The following EFCAB12 variants were observed in gnomAD, a reference collection of about 807,000 sequenced individuals.
The protein encoded by EFCAB12 is EF-hand calcium-binding domain-containing protein 12.
In EFCAB12, 43 loss-of-function variants were observed where a neutral mutation model predicts 53.6. The ratio of observed to expected loss-of-function variants is 0.80; its 90% CI spans 0.63 to 1.03. The LOEUF is 1.03. Ranked by LOEUF, EFCAB12 falls within the 50% of genes least tolerant of loss-of-function variation. EFCAB12 has a pLI of 0.00. For missense variants in EFCAB12, 646 were observed against 730.6 expected, an observed-to-expected ratio of 0.88 and a Z score of 1.34; for synonymous variants, 269 against 289.2, an observed-to-expected ratio of 0.93 and a Z score of 0.71.
At chr3:129,403,606 C>A (rs1038978822) in intron 7 of EFCAB12, 3 of 152,360 alleles carry the variant, frequency 2.0e-5, no homozygotes, top group African/African-American at 7.2e-5. Context: ...CCTCCCATGC[C>A]GCGCCCCTGC....
At chr3:129,402,466 C>A in intron 8 of EFCAB12, 57 bp downstream of exon 8, 1 of 1,562,530 alleles carries the variant, frequency 6.4e-7, no homozygotes, top group South Asian at 1.2e-5. Context: ...TTGTCTCAGG[C>A]GAAGCTGCCC....
chr3:129,428,038 G>A (rs760837725), intron 1 of EFCAB12, among the ~76,000 whole-genome samples: 2 of 152,086 alleles, frequency 1.3e-5, no homozygotes, highest in African/African-American at 2.4e-5. Context: ...CCCTGGGCCC[G>A]GCATTTACCC....
chr3:129,402,757 G>A lies in EFCAB12; in HGVS notation c.1404-178C>T, dbSNP rs543257315. On this transcript the variant is annotated intron_variant, in intron 7 of 8. Coordinates refer to ENST00000505956, the MANE Select transcript of EFCAB12 (RefSeq NM_207307.3). ...GACTCTGTGCCTCCATGCTCCAGGG[G>A]AACACAGTGGGCTTGGGTCAGCTGG... 316 of 612,744 alleles carry A rather than the reference G, an allele frequency of 5.2e-4. 2 individuals carry two copies. The highest frequency in any genetic ancestry group is 6.0e-4 in the Non-Finnish European group (211 of 352,668). 38.0% of individuals were successfully genotyped at this position (612,744 alleles called of 1,614,324 possible).
intron 4 of EFCAB12, chr3:129,412,166 C>T (rs1379951728): frequency 6.6e-6 from 1 of 152,308 alleles, no homozygotes; most frequent in Non-Finnish European, 1.5e-5. Flanking sequence ...AGAGATCACA[C>T]CACTGCACTC....
intron 4 of EFCAB12, chr3:129,415,019 T>C: frequency 2.2e-6 from 1 of 449,970 alleles, no homozygotes; most frequent in Non-Finnish European, 3.8e-6. Context: ...GGGCTGGGAC[T>C]CATTTGTCTT....
intron 3 of EFCAB12, among the ~76,000 whole-genome samples, chr3:129,417,635 G>A (rs2072135020): frequency 6.6e-6 from 1 of 152,206 alleles, no homozygotes; most frequent in Non-Finnish European, 1.5e-5. Flanking sequence ...CATCTGTGCA[G>A]TCCAGTAGAG....
intron 8 of EFCAB12, 71 bp from the exon 9 acceptor site, chr3:129,401,922 C>T: frequency 1.3e-6 from 2 of 1,539,556 alleles, no homozygotes; most frequent in Non-Finnish European, 1.8e-6. Context: ...ATCGCAGAGC[C>T]CACCAACTGT....
At chr3:129,421,284 C>T in intron 2 of EFCAB12, 83 bp downstream of exon 2, 2 of 1,417,842 alleles carry the variant, frequency 1.4e-6, no homozygotes, top group Non-Finnish European at 1.9e-6. Flanking sequence ...TGAACTATCC[C>T]TATCCAGCCT....
chr3:129,421,805 T>A lies in EFCAB12; in HGVS notation c.50-2A>T. The A allele has an allele frequency of 2.5e-6, 4 of 1,609,318 alleles. No homozygotes were observed. On this transcript the variant is annotated splice_acceptor_variant, in intron 1 of 8. Coordinates refer to ENST00000505956, the MANE Select transcript of EFCAB12 (RefSeq NM_207307.3). LOFTEE classifies it high-confidence loss of function. ...TGGGAGTCTTAGACGGGCAGAGTCC[T>A]TGGGGTAAGAGAGTTAAAAGATGAG... is the stretch of plus-strand genomic sequence containing the variant.
In EFCAB12 at chr3:129,421,588, C is replaced by T. The variant is rs753416184; in HGVS notation, c.265G>A (p.Val89Ile). 3.1e-6 allele frequency: 5 copies of T among 1,613,976 alleles called. No homozygotes were observed. The South Asian group carries it at 4.4e-5, about 14-fold the overall frequency. The change falls in exon 2 of 9, where the codon GTT (valine) becomes ATT (isoleucine). Residue 89 changes from valine to isoleucine, a missense_variant. By Grantham distance (29) the Val-to-Ile change is conservative. Coordinates refer to ENST00000505956, the MANE Select transcript of EFCAB12 (RefSeq NM_207307.3). ...APPKPIPSFK[V>I]LEARDIQEQP... is the part of the protein sequence containing the mutation. ...TCTTGGATATCTCTAGCTTCCAGAA[C>T]TTTGAAGCTGGGGATGGGCTTTGGG... is the stretch of plus-strand genomic sequence containing the variant.
chr3:129,423,599 A>T (rs2072215495), intron 1 of EFCAB12, among the ~76,000 whole-genome samples: 1 of 152,204 alleles, frequency 6.6e-6, no homozygotes, highest in Admixed American at 6.5e-5. Context: ...ATTGTAATCC[A>T]GCCTGGGCAA....
chr3:129,412,927 A>G (rs138856497), intron 4 of EFCAB12: 74 of 152,386 alleles, frequency 4.9e-4, no homozygotes, highest in Middle Eastern at 3.4e-3. Context: ...GAATGAAAGA[A>G]TCCCATTGTC....
rs542010344 is a variant in EFCAB12 at position 129,418,418 on chromosome 3, G to A, written c.517C>T (p.Arg173Cys). 1.3e-5 allele frequency: 21 copies of A among 1,611,418 alleles called. 1 individual carries two copies. In the East Asian group the frequency reaches 1.8e-4, roughly 14 times the overall value. ...AGCTGGAGCTGGGGCACCATCTGGCGGGACAGCCGGGAGAGCCTGGGGGCT... is the reference window on the plus strand; with the variant it reads ...AGCTGGAGCTGGGGCACCATCTGGCAGGACAGCCGGGAGAGCCTGGGGGCT... ...KKAPRLSRLS[R>C]QMVPQLQLPE... Residue 173 changes from arginine to cysteine, a missense_variant, in exon 3 of 9, where the codon CGC becomes TGC. Physicochemically the swap from Arg to Cys is radical, Grantham distance 180. Coordinates refer to ENST00000505956, the MANE Select transcript of EFCAB12 (RefSeq NM_207307.3).
intron 4 of EFCAB12, chr3:129,412,595 GC>G: frequency 6.6e-6 from 1 of 152,502 alleles, no homozygotes. Context: ...GGCCTCAGCT[GC>G]CTTCCCACCT....
At chr3:129,401,912 A>G in intron 8 of EFCAB12, 61 bp from the exon 9 acceptor site, 1 of 1,561,454 alleles carries the variant, frequency 6.4e-7, no homozygotes, top group South Asian at 1.2e-5. Flanking sequence ...CTGAGGCTTC[A>G]TCGCAGAGCC....
Position 129,428,593 on chromosome 3 carries a change from G to A in EFCAB12, c.-105C>T. On this transcript the variant is annotated 5_prime_UTR_variant, in exon 1 of 9. Transcript: ENST00000505956. ...GGTATCAGATAAACCGTAACTCCAA[G>A]TCGTGCGAAAGGCGCTCAGCTCAGA... is the stretch of plus-strand genomic sequence containing the variant. 1 of 1,415,486 alleles carries A rather than the reference G, an allele frequency of 7.1e-7. No homozygotes were observed. Among genetic ancestry groups the A allele is most frequent in the South Asian group, 1.3e-5 (1 of 74,912 alleles). 87.7% of individuals were successfully genotyped at this position (1,415,486 alleles called of 1,614,324 possible). A position where few individuals can be genotyped will look rare whatever the true frequency, so the allele number is the denominator to read the frequency against.
In EFCAB12 at chr3:129,421,562, C is replaced by G; in HGVS notation, c.291G>C (p.Glu97Asp). Residue 97 changes from glutamate to aspartate, a missense_variant, in exon 2 of 9, where the codon GAG (glutamate) becomes GAC (aspartate). Glu to Asp is a conservative substitution (Grantham distance 45). Coordinates refer to ENST00000505956, the MANE Select transcript of EFCAB12 (RefSeq NM_207307.3). ...GCCAGGTCTTCCTGTCCTCTGGCTGCTCTTGGATATCTCTAGCTTCCAGAA... is the reference window on the plus strand; with the variant it reads ...GCCAGGTCTTCCTGTCCTCTGGCTGGTCTTGGATATCTCTAGCTTCCAGAA... ...FKVLEARDIQ[E>D]QPEDRKTWLS... 1 of 1,614,018 alleles carries G rather than the reference C, an allele frequency of 6.2e-7. No individual in the cohort carries two copies. The highest frequency in any genetic ancestry group is 8.5e-7 in the Non-Finnish European group (1 of 1,179,884).
intron 5 of EFCAB12, among the ~76,000 whole-genome samples, chr3:129,410,666 C>T (rs1417670182): frequency 6.6e-6 from 1 of 152,182 alleles, no homozygotes; most frequent in East Asian, 1.9e-4. Context: ...ATGTTGTCTG[C>T]CTCCCTTACC....
intron 1 of EFCAB12, among the ~76,000 whole-genome samples, chr3:129,426,359 GTTTTT>G (rs71620055): frequency 4.6e-5 from 4 of 87,806 alleles, no homozygotes; most frequent in South Asian, 3.9e-4. Context: ...GTTTTTTTTT[GTTTTT>G]TTTTTTTTTT....
Sources: allele counts gnomAD v4.1 joint callset (sites outside exome capture counted in the v4.1 genomes callset), GRCh38; gene constraint gnomAD v4.1.1; transcripts MANE v1.5; gene names NCBI Gene and HGNC (gene_info 2026-07-23, HGNC 2026-07-21).